Variants in KCNJ3 observed in about 807,000 individuals in gnomAD.
KCNJ3 encodes G protein-activated inward rectifier potassium channel 1.
Under a neutral mutation model 39.2 loss-of-function variants are expected in KCNJ3, and 4 were observed. The ratio of observed to expected loss-of-function variants is 0.10; its 90% CI spans 0.05 to 0.23. KCNJ3 has a LOEUF of 0.23. Among genes scored for constraint, KCNJ3 ranks in the 10% least tolerant of loss-of-function variants. The pLI is 1.00. For synonymous variants in KCNJ3, 230 were observed against 237.4 expected (o/e 0.97, Z 0.29); for missense variants, 276 against 634.9 (o/e 0.43, Z 6.08).
chr2:154,724,675 C>A (rs1453007716), intron 2 of KCNJ3, among the ~76,000 whole-genome samples: 1 of 151,704 alleles, frequency 6.6e-6, no homozygotes, highest in African/African-American at 2.4e-5. Context: ...CTTTGCTTTG[C>A]CATTCTCCAA....
At chr2:154,732,127 G>T (rs1183626141) in intron 2 of KCNJ3, among the ~76,000 whole-genome samples, 1 of 152,032 alleles carries the variant, frequency 6.6e-6, no homozygotes, top group Non-Finnish European at 1.5e-5. Flanking sequence ...GTACTTGCCT[G>T]TTAAGTTAAA....
chr2:154,751,722 G>GT (rs1336713422), intron 2 of KCNJ3, among the ~76,000 whole-genome samples: 1 of 152,022 alleles, frequency 6.6e-6, no homozygotes, highest in Non-Finnish European at 1.5e-5. Context: ...ATAGAAATTT[G>GT]TTTTTTGACA....
chr2:154,743,130 C>T (rs530282634), intron 2 of KCNJ3, among the ~76,000 whole-genome samples: 1 of 151,932 alleles, frequency 6.6e-6, no homozygotes, highest in Non-Finnish European at 1.5e-5. Flanking sequence ...ACTGTCCTTT[C>T]CCTCATTAAA....
intron 2 of KCNJ3, among the ~76,000 whole-genome samples, chr2:154,823,775 CT>C (rs1687222643): frequency 6.6e-6 from 1 of 151,944 alleles, no homozygotes; most frequent in Non-Finnish European, 1.5e-5. Context: ...ATTTATATTG[CT>C]TTTTTGTAAG....
intron 2 of KCNJ3, among the ~76,000 whole-genome samples, chr2:154,739,798 A>G (rs1243512710): frequency 1.3e-5 from 2 of 152,026 alleles, no homozygotes; most frequent in Admixed American, 6.6e-5. Flanking sequence ...TACTCAGGCT[A>G]ATACTTCAAG....
At chr2:154,846,097 G>C (rs1414351788) in intron 2 of KCNJ3, among the ~76,000 whole-genome samples, 1 of 152,184 alleles carries the variant, frequency 6.6e-6, no homozygotes, top group Non-Finnish European at 1.5e-5. Context: ...TTTTGAGAAA[G>C]TAGTTACTAC....
chr2:154,836,011 G>T lies in KCNJ3; in HGVS notation c.920-18716G>T, dbSNP rs1382064440. Reference sequence around the variant, plus strand: ...TGGTCACCTGAGGTTAGGAGTTTGAGACCAGCCTGGCCAACATGGCGAAAC... The same window carrying T: ...TGGTCACCTGAGGTTAGGAGTTTGATACCAGCCTGGCCAACATGGCGAAAC... On this transcript the variant is annotated intron_variant, in intron 2 of 2. Transcript: ENST00000295101. 2.0e-5 allele frequency among the ~76,000 whole-genome samples: 3 copies of T among 151,990 alleles called. No individual in the cohort carries two copies. In the East Asian group the frequency reaches 5.8e-4, roughly 29 times the overall value.
chr2:154,722,896 A>G (rs1281208960), intron 2 of KCNJ3, among the ~76,000 whole-genome samples: 1 of 152,196 alleles, frequency 6.6e-6, no homozygotes. Context: ...AGTATGTAAC[A>G]TTTAATTTTT....
In KCNJ3 at chr2:154,698,798, T is replaced by C. The variant is rs376120670; in HGVS notation, c.23T>C (p.Phe8Ser). The C allele has an allele frequency of 5.6e-6, 9 of 1,609,968 alleles. No individual in the cohort carries two copies. The highest frequency in any genetic ancestry group is 2.2e-5 in the East Asian group (1 of 44,702). Residue 8 changes from phenylalanine (F) to serine (S), a missense_variant, in exon 1 of 3, where the codon TTT (phenylalanine) becomes TCT (serine). This residue lies in a region of KCNJ3 where 27 missense variants were observed against 48.5 expected (regional missense o/e 0.56). Transcript: ENST00000295101. MSALRRK[F>S]GDDYQVVTTS... ...ATTATGTCTGCACTCCGAAGGAAAT[T>C]TGGGGACGATTATCAGGTAGTGACC... is the stretch of plus-strand genomic sequence containing the variant.
intron 2 of KCNJ3, among the ~76,000 whole-genome samples, chr2:154,781,523 G>A (rs1232682422): frequency 3.9e-5 from 6 of 152,094 alleles, no homozygotes; most frequent in East Asian, 1.9e-4. Flanking sequence ...AGCACACAAC[G>A]AAACAAAGTA....
intron 2 of KCNJ3, among the ~76,000 whole-genome samples, chr2:154,746,248 G>A (rs1038486191): frequency 4.0e-5 from 6 of 151,792 alleles, no homozygotes; most frequent in African/African-American, 1.5e-4. Flanking sequence ...GACTGTTAAA[G>A]TTATTGATAA....
At chr2:154,745,712 T>C (rs1685728743) in intron 2 of KCNJ3, among the ~76,000 whole-genome samples, 1 of 152,078 alleles carries the variant, frequency 6.6e-6, no homozygotes, top group Non-Finnish European at 1.5e-5. Flanking sequence ...TTAACATTTA[T>C]CTTCATGGTT....
At chr2:154,724,712 G>C (rs1685318721) in intron 2 of KCNJ3, among the ~76,000 whole-genome samples, 1 of 151,726 alleles carries the variant, frequency 6.6e-6, no homozygotes, top group Non-Finnish European at 1.5e-5. Flanking sequence ...ATGGGAAAAT[G>C]AAGATTTTTT....
intron 2 of KCNJ3, among the ~76,000 whole-genome samples, chr2:154,805,742 A>T (rs1181060883): frequency 6.6e-6 from 1 of 152,192 alleles, no homozygotes; most frequent in African/African-American, 2.4e-5. Context: ...ATGTGCATAT[A>T]TCACACAAAA....
intron 2 of KCNJ3, among the ~76,000 whole-genome samples, chr2:154,751,886 CA>C (rs1685850850): frequency 6.6e-6 from 1 of 151,870 alleles, no homozygotes. Flanking sequence ...TTTATAAAGA[CA>C]ACAGTCATAT....
intron 2 of KCNJ3, among the ~76,000 whole-genome samples, chr2:154,763,397 G>A (rs1173141270): frequency 6.6e-6 from 1 of 150,986 alleles, no homozygotes; most frequent in Non-Finnish European, 1.5e-5. Context: ...TTACTAAGAT[G>A]AATGCTTATT....
At chr2:154,798,969 T>A (rs1043718032) in intron 2 of KCNJ3, among the ~76,000 whole-genome samples, 7 of 151,626 alleles carry the variant, frequency 4.6e-5, no homozygotes, top group African/African-American at 1.7e-4. Context: ...GTGTATGTGG[T>A]GTGTAGTGTG....
At chr2:154,745,976 G>T (rs1389999538) in intron 2 of KCNJ3, among the ~76,000 whole-genome samples, 1 of 151,806 alleles carries the variant, frequency 6.6e-6, no homozygotes, top group Non-Finnish European at 1.5e-5. Context: ...TCTGGGAGGT[G>T]TAGAAATGCC....
intron 1 of KCNJ3, among the ~76,000 whole-genome samples, chr2:154,704,042 C>G (rs1269615930): frequency 6.6e-6 from 1 of 151,968 alleles, no homozygotes; most frequent in Non-Finnish European, 1.5e-5. Flanking sequence ...CCTATTTAGT[C>G]TAGTTTTTCT....
Sources: allele counts gnomAD v4.1 joint callset (sites outside exome capture counted in the v4.1 genomes callset), GRCh38; gene constraint gnomAD v4.1.1; regional missense constraint gnomAD v4.1.1; transcripts MANE v1.5; gene names NCBI Gene and HGNC (gene_info 2026-07-23, HGNC 2026-07-21).